DCC: variants seen among roughly 807,000 people sequenced by gnomAD.
DCC encodes netrin receptor DCC.
Under a neutral mutation model 172.5 loss-of-function variants are expected in DCC, and 58 were observed. The observed-to-expected ratio is 0.34, with a 90% CI of 0.27 to 0.42. DCC has a LOEUF of 0.42. Ranked by LOEUF, DCC falls within the 10% of genes least tolerant of loss-of-function variation. The probability of loss-of-function intolerance (pLI) is 1.00; values close to 1 mark genes in which losing one functional copy is unlikely to be tolerated. For synonymous variants in DCC, 709 were observed against 644.5 expected (o/e 1.10, Z -1.52); for missense variants, 1,740 against 1,791.0 (o/e 0.97, Z 0.51).
chr18:52,851,403 T>G (rs1679317146), intron 2 of DCC, among the ~76,000 whole-genome samples: 1 of 152,082 alleles, frequency 6.6e-6, no homozygotes, highest in African/African-American at 2.4e-5. Context: ...CCTACTTAAT[T>G]CTGTTTGTGA....
chr18:53,523,116 G>A (rs954587916), intron 27 of DCC, among the ~76,000 whole-genome samples: 2 of 152,104 alleles, frequency 1.3e-5, no homozygotes, highest in African/African-American at 4.8e-5. Flanking sequence ...GATATGAACA[G>A]GCACTTCTCA....
intron 26 of DCC, among the ~76,000 whole-genome samples, chr18:53,498,540 C>T (rs1359665185): frequency 7.4e-6 from 1 of 135,566 alleles, no homozygotes; most frequent in Non-Finnish European, 1.6e-5. Context: ...ATATTTTATT[C>T]TGTCTTAACT....
At chr18:52,559,026 A>G (rs2032978263) in intron 1 of DCC, among the ~76,000 whole-genome samples, 1 of 152,228 alleles carries the variant, frequency 6.6e-6, no homozygotes, top group Admixed American at 6.5e-5. Context: ...TCGTTTCTCC[A>G]CTACCCCAAA....
intron 9 of DCC, among the ~76,000 whole-genome samples, chr18:53,192,941 T>C (rs547012785): frequency 6.6e-6 from 1 of 152,282 alleles, no homozygotes; most frequent in East Asian, 1.9e-4. Flanking sequence ...TTCCTGATGC[T>C]TCCATCAACT....
chr18:52,757,552 G>A (rs537587077), intron 2 of DCC, among the ~76,000 whole-genome samples: 1 of 152,154 alleles, frequency 6.6e-6, no homozygotes, highest in Non-Finnish European at 1.5e-5. Context: ...TAAGGAGCAC[G>A]GTTGGAGCCT....
At position 52,844,358 on chromosome 18, in the gene DCC, G is replaced by A. The variant is rs115579741; in HGVS notation, c.413-61686G>A. On this transcript the variant is annotated intron_variant, in intron 2 of 28. Coordinates refer to ENST00000442544, the MANE Select transcript of DCC (RefSeq NM_005215.4). ...CAGACAGATAGATAGATATAGATGT[G>A]AGCTGGGCCCTGGGTAAGCACTCTT... Among the ~76,000 whole-genome samples, 335 of 152,120 alleles carry A rather than the reference G, an allele frequency of 2.2e-3. 2 individuals are homozygous for A. The highest frequency in any genetic ancestry group is 7.7e-3 in the African/African-American group (319 of 41,530).
intron 2 of DCC, among the ~76,000 whole-genome samples, chr18:52,790,796 TC>T (rs1003178382): frequency 6.6e-6 from 1 of 152,230 alleles, no homozygotes; most frequent in African/African-American, 2.4e-5. Context: ...TGCCTGTTTT[TC>T]ACCTACAGTT....
intron 1 of DCC, among the ~76,000 whole-genome samples, chr18:52,447,196 AC>A (rs1218076332): frequency 2.0e-5 from 3 of 151,958 alleles, no homozygotes; most frequent in Admixed American, 6.6e-5. Context: ...GATAAAGATA[AC>A]CCCCCGTCTT....
chr18:52,787,871 C>A (rs1363405760), intron 2 of DCC, among the ~76,000 whole-genome samples: 2 of 152,034 alleles, frequency 1.3e-5, no homozygotes, highest in Non-Finnish European at 2.9e-5. Flanking sequence ...CTGTTAAAAG[C>A]CAAATTTTTA....
At chr18:53,194,023 T>C (rs1021147148) in intron 9 of DCC, among the ~76,000 whole-genome samples, 7 of 152,198 alleles carry the variant, frequency 4.6e-5, no homozygotes, top group African/African-American at 1.7e-4. Flanking sequence ...ATTGTTCCCA[T>C]ATTGACCATA....
chr18:52,894,405 AC>A, intron 2 of DCC, among the ~76,000 whole-genome samples: 1 of 151,550 alleles, frequency 6.6e-6, no homozygotes, highest in South Asian at 2.1e-4. Flanking sequence ...ATACACACAC[AC>A]ACACACACAC....
chr18:52,398,132 C>T (rs1043688830), intron 1 of DCC, among the ~76,000 whole-genome samples: 10 of 126,676 alleles, frequency 7.9e-5, no homozygotes, highest in Non-Finnish European at 1.5e-4. Context: ...ACGGTACATA[C>T]ATTGGTAATA....
intron 1 of DCC, among the ~76,000 whole-genome samples, chr18:52,522,472 T>A (rs2031850719): frequency 6.6e-6 from 1 of 152,194 alleles, no homozygotes; most frequent in Non-Finnish European, 1.5e-5. Flanking sequence ...TCTCTCCTTT[T>A]TTCTTTCTCT....
At position 53,535,848 on chromosome 18, in the gene DCC, A is replaced by G. The variant is rs964799019; in HGVS notation, c.*5195A>G. ...GTCTCATATTCATTTTTTTATAGAAATGTTATTCCAATGGTGCATTTTTTG... is the reference window on the plus strand; with the variant it reads ...GTCTCATATTCATTTTTTTATAGAAGTGTTATTCCAATGGTGCATTTTTTG... On this transcript the variant is annotated 3_prime_UTR_variant, in exon 29 of 29. Coordinates refer to ENST00000442544, the MANE Select transcript of DCC (RefSeq NM_005215.4). 3 of 152,178 alleles carry G rather than the reference A, an allele frequency of 2.0e-5. No homozygotes were observed. The highest frequency in any genetic ancestry group is 7.2e-5 in the African/African-American group (3 of 41,450). 9.4% of individuals were successfully genotyped at this position (152,178 alleles called of 1,614,324 possible). A position where few individuals can be genotyped will look rare whatever the true frequency, so the allele number is the denominator to read the frequency against.
intron 14 of DCC, among the ~76,000 whole-genome samples, chr18:53,338,039 G>C (rs978886789): frequency 2.0e-5 from 3 of 152,134 alleles, no homozygotes; most frequent in Non-Finnish European, 4.4e-5. Flanking sequence ...ACTGTGTTAA[G>C]CACTTATTGA....
intron 5 of DCC, among the ~76,000 whole-genome samples, chr18:52,926,962 T>A (rs186087626): frequency 6.7e-4 from 76 of 113,370 alleles, no homozygotes; most frequent in African/African-American, 2.1e-3. Context: ...ACACTATATA[T>A]GGATATATAT....
intron 1 of DCC, 21 bp from the exon 2 acceptor site, chr18:52,752,033 C>T: frequency 1.2e-6 from 2 of 1,600,484 alleles, no homozygotes; most frequent in Non-Finnish European, 1.7e-6. Context: ...GAACATATTT[C>T]CCTGTGCTCT....
chr18:52,677,857 C>T (rs1429528941), intron 1 of DCC, among the ~76,000 whole-genome samples: 1 of 152,144 alleles, frequency 6.6e-6, no homozygotes, highest in African/African-American at 2.4e-5. Flanking sequence ...TATATTAATA[C>T]TTTTTCTTCT....
chr18:52,838,027 G>A (rs747955749), intron 2 of DCC, among the ~76,000 whole-genome samples: 8 of 152,080 alleles, frequency 5.3e-5, no homozygotes, highest in African/African-American at 9.7e-5. Flanking sequence ...TCACTATCAC[G>A]AGAACAGGGT....
Sources: gnomAD v4.1 joint callset for allele counts (sites outside exome capture counted in the v4.1 genomes callset) on GRCh38, gnomAD v4.1.1 for gene constraint, MANE v1.5 for transcripts, NCBI Gene and HGNC (gene_info 2026-07-23, HGNC 2026-07-21) for gene names.